The following VIT variants were observed in gnomAD, a reference collection of about 807,000 sequenced individuals.
The protein encoded by VIT is vitrin.
Under a neutral mutation model 78.0 loss-of-function variants are expected in VIT, and 99 were observed. The ratio of observed to expected loss-of-function variants is 1.27; its 90% CI spans 1.08 to 1.50. VIT has a LOEUF of 1.50. VIT is among the 40% of genes most tolerant of loss of function. The probability of loss-of-function intolerance (pLI) is 0.00; values close to 1 mark genes in which losing one functional copy is unlikely to be tolerated. For synonymous variants in VIT, 374 were observed against 334.3 expected (o/e 1.12, Z -1.29); for missense variants, 1,126 against 875.3 (o/e 1.29, Z -3.61).
chr2:36,795,382 TTA>T (rs1665814658), intron 12 of VIT, among the ~76,000 whole-genome samples: 4 of 85,968 alleles, frequency 4.7e-5, no homozygotes, highest in Non-Finnish European at 1.0e-4. Flanking sequence ...TTATTTTATT[TTA>T]TATTTTATTT....
chr2:36,756,757 G>A (rs547045582), intron 5 of VIT, among the ~76,000 whole-genome samples: 1 of 152,262 alleles, frequency 6.6e-6, no homozygotes, highest in Admixed American at 6.5e-5. Flanking sequence ...CTAATGTCTC[G>A]AATACAAATA....
chr2:36,780,068 T>C (rs889073640), intron 9 of VIT, among the ~76,000 whole-genome samples: 2 of 152,224 alleles, frequency 1.3e-5, no homozygotes, highest in East Asian at 3.8e-4. Flanking sequence ...CAAATTTACT[T>C]CTCATTACTA....
In VIT at chr2:36,743,152, G is replaced by C; in HGVS notation, c.171G>C (p.Glu57Asp). The change falls in exon 4 of 16, where the codon GAG becomes GAC. Residue 57 changes from glutamate to aspartate, a missense_variant. By Grantham distance (45) the Glu-to-Asp change is conservative. Coordinates refer to ENST00000379242, the MANE Select transcript of VIT (RefSeq NM_053276.4). ...AAGCCGGAAAGATCATCGATCCTGA[G>C]TTCATTGTGAAATGTCCAGCAGGAT... ...DVKAGKIIDP[E>D]FIVKCPAGCQ... 6.2e-7 allele frequency: 1 copy of C among 1,614,088 alleles called. No homozygotes were observed. Among genetic ancestry groups the C allele is most frequent in the Non-Finnish European group, 8.5e-7 (1 of 1,179,966 alleles).
intron 4 of VIT, among the ~76,000 whole-genome samples, chr2:36,750,619 G>T (rs143038593): frequency 6.6e-6 from 1 of 151,684 alleles, no homozygotes; most frequent in African/African-American, 2.4e-5. Flanking sequence ...TCAGGAATTC[G>T]AGACCAGCCT....
At chr2:36,769,119 G>T (rs1054091155) in intron 7 of VIT, among the ~76,000 whole-genome samples, 3 of 152,078 alleles carry the variant, frequency 2.0e-5, no homozygotes, top group African/African-American at 7.2e-5. Context: ...GGTTAACAGG[G>T]GTTCTGTAGC....
intron 5 of VIT, among the ~76,000 whole-genome samples, chr2:36,756,311 C>A (rs1668764195): frequency 6.6e-6 from 1 of 152,132 alleles, no homozygotes; most frequent in Non-Finnish European, 1.5e-5. Flanking sequence ...CTGAATCTCC[C>A]ATTTTCTCTA....
At chr2:36,794,379 C>CAAATTA (rs1407788976) in intron 12 of VIT, among the ~76,000 whole-genome samples, 1 of 152,086 alleles carries the variant, frequency 6.6e-6, no homozygotes, top group Non-Finnish European at 1.5e-5. Flanking sequence ...AATAAAATTA[C>CAAATTA]AAATTAAAAG....
At chr2:36,772,074 C>T (rs1313526090) in intron 7 of VIT, among the ~76,000 whole-genome samples, 1 of 152,172 alleles carries the variant, frequency 6.6e-6, no homozygotes, top group East Asian at 1.9e-4. Context: ...CTTATTTTTA[C>T]AGTAAGCCTA....
chr2:36,735,938 T>C (rs181580089), intron 3 of VIT, among the ~76,000 whole-genome samples: 1 of 152,234 alleles, frequency 6.6e-6, no homozygotes, highest in Admixed American at 6.5e-5. Context: ...CTTAGAATAG[T>C]AAGAGGGAAA....
Position 36,729,440 on chromosome 2 carries a change from G to T in VIT, c.67G>T (p.Gly23Ter), listed in dbSNP as rs777969194. The change falls in exon 3 of 16, where the codon GGA (glycine) becomes TGA (stop). Residue 23 changes from glycine to a stop codon, truncating the protein, a stop_gained. Transcript: ENST00000379242. LOFTEE classifies it high-confidence loss of function. Reference sequence around the variant, plus strand: ...TCTTCATGTAGTTTTGCTGGTGACTGGAGTACATTCAAACAAAGAAACGGC... The same window carrying T: ...TCTTCATGTAGTTTTGCTGGTGACTTGAGTACATTCAAACAAAGAAACGGC... ...IEMFLVLLVT[G>*]VHSNKETAKK... The T allele has an allele frequency of 1.9e-6, 3 of 1,605,876 alleles. No homozygotes were observed. The highest frequency in any genetic ancestry group is 2.5e-6 in the Non-Finnish European group (3 of 1,176,940).
At chr2:36,721,282 A>ATGAAGCTG (rs1466068229) in intron 2 of VIT, among the ~76,000 whole-genome samples, 3 of 152,180 alleles carry the variant, frequency 2.0e-5, no homozygotes, top group East Asian at 3.9e-4. Flanking sequence ...TTATACCTTA[A>ATGAAGCTG]TGAAGCTGGG....
intron 2 of VIT, among the ~76,000 whole-genome samples, chr2:36,717,005 T>C (rs1054959289): frequency 2.0e-5 from 3 of 149,348 alleles, no homozygotes; most frequent in African/African-American, 5.0e-5. Flanking sequence ...GCCTCCCAAG[T>C]AGCTGGGATT....
intron 1 of VIT, among the ~76,000 whole-genome samples, chr2:36,705,025 A>G (rs1278513968): frequency 6.6e-6 from 1 of 152,216 alleles, no homozygotes; most frequent in Admixed American, 6.5e-5. Context: ...CCCTTTGGCA[A>G]CTACAAACCT....
chr2:36,765,880 C>A (rs574138577), intron 6 of VIT, among the ~76,000 whole-genome samples: 22 of 152,368 alleles, frequency 1.4e-4, no homozygotes, highest in African/African-American at 5.0e-4. Flanking sequence ...TTTTAAGCCA[C>A]CCAGTTTGTG....
At chr2:36,719,416 T>C (rs1185244665) in intron 2 of VIT, among the ~76,000 whole-genome samples, 2 of 152,138 alleles carry the variant, frequency 1.3e-5, no homozygotes, top group East Asian at 3.8e-4. Flanking sequence ...TAACATGATA[T>C]TATATACAGA....
intron 6 of VIT, chr2:36,759,672 T>C: frequency 2.0e-6 from 2 of 989,874 alleles, no homozygotes; most frequent in South Asian, 4.6e-5. Context: ...TGTGAGTCGC[T>C]TTATAACGGG....
chr2:36,741,439 G>A (rs548815856), intron 3 of VIT, among the ~76,000 whole-genome samples: 9 of 152,178 alleles, frequency 5.9e-5, no homozygotes, highest in Non-Finnish European at 8.8e-5. Flanking sequence ...TCGGTTCCCA[G>A]CAGAAGTTCC....
chr2:36,805,685 C>T, intron 14 of VIT, 21 bp downstream of exon 14: 1 of 1,601,330 alleles, frequency 6.2e-7, no homozygotes, highest in Non-Finnish European at 8.5e-7. Context: ...GCCCGGAGAC[C>T]TACCCAACAT....
At chr2:36,797,795 T>C (rs192713228) in intron 12 of VIT, among the ~76,000 whole-genome samples, 1 of 152,094 alleles carries the variant, frequency 6.6e-6, no homozygotes, top group Non-Finnish European at 1.5e-5. Context: ...CACCAAAGTT[T>C]AGAGGTTTAG....
Sources: allele counts gnomAD v4.1 joint callset (sites outside exome capture counted in the v4.1 genomes callset), GRCh38; gene constraint gnomAD v4.1.1; transcripts MANE v1.5; gene names NCBI Gene and HGNC (gene_info 2026-07-23, HGNC 2026-07-21).